Variants in ARID1B observed in about 807,000 individuals in gnomAD.
The protein encoded by ARID1B is AT-rich interaction domain 1B.
In ARID1B, 30 loss-of-function variants were observed where a neutral mutation model predicts 212.3. The observed-to-expected ratio is 0.14, with a 90% CI of 0.11 to 0.19. ARID1B has a LOEUF of 0.19. Ranked by LOEUF, ARID1B falls within the 10% of genes least tolerant of loss-of-function variation. The probability of loss-of-function intolerance (pLI) is 1.00; values close to 1 mark genes in which losing one functional copy is unlikely to be tolerated. For synonymous variants in ARID1B, 1,402 were observed against 1,301.7 expected (o/e 1.08, Z -1.66); for missense variants, 2,891 against 3,204.0 (o/e 0.90, Z 2.36).
intron 4 of ARID1B, among the ~76,000 whole-genome samples, chr6:156,947,766 G>A (rs1793268640): frequency 6.6e-6 from 1 of 152,008 alleles, no homozygotes; most frequent in Non-Finnish European, 1.5e-5. Context: ...AAAAACTTTT[G>A]GCTTAATTTG....
intron 4 of ARID1B, among the ~76,000 whole-genome samples, chr6:157,021,683 C>T (rs1006655857): frequency 2.0e-5 from 3 of 152,202 alleles, no homozygotes; most frequent in Admixed American, 1.3e-4. Context: ...CAGCCACATT[C>T]CTTTCCGGGC....
At chr6:157,164,247 T>C (rs1791160395) in intron 8 of ARID1B, among the ~76,000 whole-genome samples, 1 of 152,266 alleles carries the variant, frequency 6.6e-6, no homozygotes, top group Non-Finnish European at 1.5e-5. Context: ...TAAGGACCAT[T>C]GTAACCAGCA....
At chr6:156,826,700 C>T (rs71578583) in intron 1 of ARID1B, among the ~76,000 whole-genome samples, 1 of 152,178 alleles carries the variant, frequency 6.6e-6, no homozygotes, top group Non-Finnish European at 1.5e-5. Flanking sequence ...GCCCTCACCT[C>T]TGCAGCGAGA....
intron 1 of ARID1B, among the ~76,000 whole-genome samples, chr6:156,783,363 G>A (rs912255868): frequency 2.0e-5 from 3 of 151,612 alleles, no homozygotes; most frequent in African/African-American, 4.8e-5. Flanking sequence ...TCTGATTTGA[G>A]AACTGATTTT....
At chr6:156,896,575 T>TCA (rs1562467313) in intron 2 of ARID1B, among the ~76,000 whole-genome samples, 2 of 19,582 alleles carry the variant, frequency 1.0e-4, no homozygotes, top group African/African-American at 6.9e-4. Context: ...AAACTGCGTC[T>TCA]CAAAAAAAAA....
At chr6:156,919,019 A>C (rs2128237423) in intron 3 of ARID1B, among the ~76,000 whole-genome samples, 1 of 152,242 alleles carries the variant, frequency 6.6e-6, no homozygotes, top group East Asian at 1.9e-4. Context: ...AGCTTCTTAA[A>C]ATAAAAAAAG....
intron 7 of ARID1B, among the ~76,000 whole-genome samples, chr6:157,136,734 C>T (rs762795704): frequency 1.3e-5 from 2 of 151,074 alleles, no homozygotes; most frequent in African/African-American, 2.4e-5. Context: ...CGGTGGCACA[C>T]GCCTGTGGTC....
At chr6:157,080,867 T>G (rs144090659) in intron 4 of ARID1B, among the ~76,000 whole-genome samples, 89 of 152,334 alleles carry the variant, frequency 5.8e-4, no homozygotes, top group African/African-American at 2.1e-3. Context: ...TTTTGGTTTT[T>G]GAAGGCAGGG....
intron 2 of ARID1B, among the ~76,000 whole-genome samples, chr6:156,857,720 C>T (rs901087429): frequency 7.9e-5 from 12 of 152,186 alleles, no homozygotes; most frequent in Non-Finnish European, 1.6e-4. Flanking sequence ...TGTTGCTTAA[C>T]AACAGAGATA....
At chr6:157,181,294 T>C in intron 12 of ARID1B, 116 bp downstream of exon 12, 2 of 1,332,004 alleles carry the variant, frequency 1.5e-6, no homozygotes, top group Non-Finnish European at 2.0e-6. Flanking sequence ...GCTAAGCCTG[T>C]GTGAAAGTCG....
chr6:156,866,260 G>A (rs963618304), intron 2 of ARID1B, among the ~76,000 whole-genome samples: 5 of 152,130 alleles, frequency 3.3e-5, no homozygotes, highest in Admixed American at 2.6e-4. Flanking sequence ...GCTCTTCTAC[G>A]AGGAGGAAAT....
At chr6:156,880,664 C>T (rs568890908) in intron 2 of ARID1B, among the ~76,000 whole-genome samples, 23 of 141,640 alleles carry the variant, frequency 1.6e-4, no homozygotes, top group African/African-American at 2.9e-4. Flanking sequence ...AGTTGAACCC[C>T]GGGAGGCGGA....
intron 4 of ARID1B, among the ~76,000 whole-genome samples, chr6:157,044,548 C>T (rs932955094): frequency 6.6e-6 from 1 of 152,168 alleles, no homozygotes; most frequent in African/African-American, 2.4e-5. Flanking sequence ...TGGGAAAAAG[C>T]GGGAGGTTCA....
chr6:156,820,103 G>A (rs984647688), intron 1 of ARID1B, among the ~76,000 whole-genome samples: 1 of 152,130 alleles, frequency 6.6e-6, no homozygotes, highest in Non-Finnish European at 1.5e-5. Flanking sequence ...TGGATGTCTG[G>A]GCAGGAATGC....
At chr6:156,813,106 ATATT>A (rs1562404717) in intron 1 of ARID1B, among the ~76,000 whole-genome samples, 3 of 105,944 alleles carry the variant, frequency 2.8e-5, no homozygotes, top group African/African-American at 7.5e-5. Context: ...ACATATATAT[ATATT>A]TTTTTTTTTT....
chr6:157,132,879 A>G (rs2128584538), intron 6 of ARID1B, 149 bp from the exon 7 acceptor site: 1 of 855,034 alleles, frequency 1.2e-6, no homozygotes, highest in East Asian at 2.8e-5. Context: ...GTCCACGCTG[A>G]ACTGAGATGT....
At position 156,977,339 on chromosome 6, in the gene ARID1B, C is replaced by A. The variant is rs181292991; in HGVS notation, c.2247+41763C>A. 4.4e-3 allele frequency among the ~76,000 whole-genome samples: 661 copies of A among 150,674 alleles called. 5 individuals are homozygous for A. Among genetic ancestry groups the A allele is most frequent in the African/African-American group, 0.015 (631 of 41,056 alleles). On this transcript the variant is annotated intron_variant, in intron 4 of 19. Transcript: ENST00000636930. ...ACTAAATATATATATTAGACCTACC[C>A]TGAAGTCTCTTTCTCTTTGTGTTTT...
At chr6:157,107,432 A>G (rs78673457) in intron 5 of ARID1B, among the ~76,000 whole-genome samples, 8,349 of 152,290 alleles carry the variant, frequency 0.055, 348 homozygotes, top group Non-Finnish European at 0.086. Flanking sequence ...CTATTTTTAC[A>G]AGTTTTCTGT....
chr6:157,106,292 C>T (rs1028972762), intron 5 of ARID1B, among the ~76,000 whole-genome samples: 1 of 152,176 alleles, frequency 6.6e-6, no homozygotes, highest in Non-Finnish European at 1.5e-5. Flanking sequence ...ATCTCTGTTC[C>T]CCTGGCAGAG....
Sources: gnomAD v4.1 joint callset for allele counts (sites outside exome capture counted in the v4.1 genomes callset) on GRCh38, gnomAD v4.1.1 for gene constraint, MANE v1.5 for transcripts, NCBI Gene and HGNC (gene_info 2026-07-23, HGNC 2026-07-21) for gene names.